Variants in SPATA16 observed in about 807,000 individuals in gnomAD.
SPATA16 encodes the protein spermatogenesis associated 16.
A neutral mutation model predicts 63.3 loss-of-function variants in SPATA16; 36 were observed. The ratio of observed to expected loss-of-function variants is 0.57; its 90% CI spans 0.44 to 0.75. The LOEUF is 0.75. SPATA16 is among the 30% of genes least tolerant of loss of function. SPATA16 has a pLI of 0.00. For missense variants in SPATA16, 646 were observed against 679.3 expected (o/e 0.95, Z 0.54); for synonymous variants, 203 against 216.7 (o/e 0.94, Z 0.56).
intron 6 of SPATA16, among the ~76,000 whole-genome samples, chr3:172,930,613 C>T (rs977413975): frequency 1.5e-5 from 2 of 130,952 alleles, no homozygotes; most frequent in African/African-American, 6.0e-5. Context: ...GGCTGGAGTG[C>T]GGTGGCGCGA....
At chr3:173,139,164 GCTAA>G (rs1243091499) in intron 1 of SPATA16, among the ~76,000 whole-genome samples, 1 of 152,262 alleles carries the variant, frequency 6.6e-6, no homozygotes, top group South Asian at 2.1e-4. Flanking sequence ...CTCAATAAAT[GCTAA>G]CTATTGTTCT....
At chr3:173,052,217 A>G (rs1478917856) in intron 2 of SPATA16, among the ~76,000 whole-genome samples, 1 of 152,188 alleles carries the variant, frequency 6.6e-6, no homozygotes, top group Non-Finnish European at 1.5e-5. Context: ...AGATTTCATA[A>G]TAGTAAAGAC....
At chr3:172,897,103 T>G (rs1343108180) in intron 10 of SPATA16, among the ~76,000 whole-genome samples, 1 of 152,168 alleles carries the variant, frequency 6.6e-6, no homozygotes, top group East Asian at 1.9e-4. Context: ...CTAATTTGAG[T>G]TAATTTTTGT....
chr3:172,928,636 T>C (rs2109583275), intron 6 of SPATA16, among the ~76,000 whole-genome samples: 1 of 152,314 alleles, frequency 6.6e-6, no homozygotes, highest in East Asian at 1.9e-4. Context: ...ATACTATTAT[T>C]GGCAGTGATT....
chr3:173,010,511 A>G (rs1241029867), intron 4 of SPATA16, among the ~76,000 whole-genome samples: 1 of 151,442 alleles, frequency 6.6e-6, no homozygotes, highest in Non-Finnish European at 1.5e-5. Context: ...GAGGTAAGTG[A>G]CAGGCCCTCT....
At position 173,064,320 on chromosome 3, in the gene SPATA16, C is replaced by CA. The variant is rs59773490; in HGVS notation, c.613-15227dup. 9.0e-3 allele frequency among the ~76,000 whole-genome samples: 514 copies of CA among 57,234 alleles called. 1 individual carries two copies. Among genetic ancestry groups the CA allele is most frequent in the Middle Eastern group, 0.016 (1 of 64 alleles). The allele number at this position is 57,234 out of a possible 152,430, so 37.5% of individuals were successfully genotyped here. Reference sequence around the variant, plus strand: ...GAAACTCCATCACACACACGCACACCAAAAAAAAAAAAAAAAAAAAGGAAG... The same window carrying CA: ...GAAACTCCATCACACACACGCACACCAAAAAAAAAAAAAAAAAAAAAGGAAG... On this transcript the variant is annotated intron_variant, in intron 2 of 10. Transcript: ENST00000351008.
chr3:173,016,387 A>G (rs939468856), intron 4 of SPATA16, among the ~76,000 whole-genome samples: 5 of 152,132 alleles, frequency 3.3e-5, no homozygotes, highest in Admixed American at 6.5e-5. Context: ...ATTCTGGCCT[A>G]TTTACTAGAA....
intron 1 of SPATA16, among the ~76,000 whole-genome samples, chr3:173,137,919 T>C (rs966421199): frequency 8.6e-5 from 13 of 151,490 alleles, no homozygotes; most frequent in African/African-American, 3.2e-4. Context: ...GTATTAGGTC[T>C]GGGAATGTAT....
chr3:173,039,437 G>C (rs1156983899), intron 3 of SPATA16, among the ~76,000 whole-genome samples: 1 of 151,982 alleles, frequency 6.6e-6, no homozygotes, highest in Non-Finnish European at 1.5e-5. Flanking sequence ...AAGACCACAT[G>C]GAAATCAAAA....
chr3:172,917,531 G>T (rs556223686), intron 8 of SPATA16, among the ~76,000 whole-genome samples: 58 of 152,290 alleles, frequency 3.8e-4, no homozygotes, highest in South Asian at 2.7e-3. Context: ...TTGTGGACTT[G>T]GCAGTTAGCA....
intron 3 of SPATA16, among the ~76,000 whole-genome samples, chr3:173,026,893 T>C (rs571418684): frequency 3.3e-5 from 5 of 152,040 alleles, no homozygotes; most frequent in African/African-American, 1.2e-4. Context: ...CCCTCTAACA[T>C]TGTTTGGACT....
chr3:173,104,849 G>A (rs1309684412), intron 2 of SPATA16, among the ~76,000 whole-genome samples: 1 of 151,956 alleles, frequency 6.6e-6, no homozygotes, highest in Non-Finnish European at 1.5e-5. Flanking sequence ...ATATAATAAT[G>A]GCCAGGGTTC....
At chr3:172,925,244 A>G in intron 7 of SPATA16, 102 bp downstream of exon 7, 1 of 1,319,524 alleles carries the variant, frequency 7.6e-7, no homozygotes, top group East Asian at 2.4e-5. Flanking sequence ...ACTAACCCAC[A>G]AAGAAGATTA....
intron 2 of SPATA16, among the ~76,000 whole-genome samples, chr3:173,084,586 C>G (rs1382681311): frequency 6.6e-6 from 1 of 152,144 alleles, no homozygotes; most frequent in Non-Finnish European, 1.5e-5. Context: ...GTCATGAAAT[C>G]TTTGCCTGTC....
intron 6 of SPATA16, 88 bp downstream of exon 6, chr3:172,956,589 A>G: frequency 6.9e-7 from 1 of 1,456,480 alleles, no homozygotes; most frequent in Non-Finnish European, 9.4e-7. Flanking sequence ...TAAAACAGAA[A>G]CAATAAACTA....
intron 3 of SPATA16, among the ~76,000 whole-genome samples, chr3:173,026,294 T>A (rs897965493): frequency 3.3e-5 from 5 of 151,964 alleles, no homozygotes; most frequent in Non-Finnish European, 5.9e-5. Flanking sequence ...TTTTTTTCCT[T>A]ATTAGTGTGT....
chr3:173,030,223 C>T (rs2108283519), intron 3 of SPATA16, among the ~76,000 whole-genome samples: 1 of 151,912 alleles, frequency 6.6e-6, no homozygotes, highest in East Asian at 1.9e-4. Flanking sequence ...TAAAAATAAA[C>T]AAATCGGACT....
intron 3 of SPATA16, among the ~76,000 whole-genome samples, chr3:173,042,001 A>T (rs1735851408): frequency 2.0e-5 from 3 of 152,152 alleles, no homozygotes; most frequent in Admixed American, 2.0e-4. Flanking sequence ...TCATTTCTTG[A>T]TATCTGCAAG....
chr3:173,030,057 ACTATCTATCTAT>A (rs71785029), intron 3 of SPATA16, among the ~76,000 whole-genome samples: 7,312 of 149,074 alleles, frequency 0.049, 217 homozygotes, highest in South Asian at 0.092. Flanking sequence ...TGGTTACTTT[ACTATCTATCTAT>A]CTATCTATCT....
Sources: allele counts gnomAD v4.1 joint callset (sites outside exome capture counted in the v4.1 genomes callset), GRCh38; gene constraint gnomAD v4.1.1; transcripts MANE v1.5; gene names NCBI Gene and HGNC (gene_info 2026-07-23, HGNC 2026-07-21).